Variants in TALDO1 observed in about 807,000 individuals in gnomAD.
The protein encoded by TALDO1 is transaldolase 1.
Under a neutral mutation model 38.1 loss-of-function variants are expected in TALDO1, and 29 were observed. The observed-to-expected ratio is 0.76, with a 90% confidence interval of 0.57 to 1.04. TALDO1 has a LOEUF of 1.04. Among genes scored for constraint, TALDO1 ranks in the 50% least tolerant of loss-of-function variants. TALDO1 has a pLI of 0.00. For synonymous variants in TALDO1, 207 were observed against 176.8 expected, an observed-to-expected ratio of 1.17 and a Z score of -1.36; for missense variants, 499 against 438.1, an observed-to-expected ratio of 1.14 and a Z score of -1.24.
intron 2 of TALDO1, among the ~76,000 whole-genome samples, chr11:756,741 C>T (rs1175220170): frequency 2.6e-5 from 4 of 152,100 alleles, no homozygotes; most frequent in Non-Finnish European, 5.9e-5. Flanking sequence ...CGGTCTCGAA[C>T]TTCTTACCTC....
chr11:763,497 C>G lies in TALDO1; in HGVS notation c.615C>G (p.Ser205=). The change falls in exon 5 of 8, where the codon TCC becomes TCG. Residue 205 remains serine, a synonymous_variant. Coordinates refer to ENST00000319006, the MANE Select transcript of TALDO1 (RefSeq NM_006755.2). The part of the protein sequence containing the change: ...DWHVANTDKK[S]YEPLEDPGVK... The stretch of plus-strand genomic sequence containing the variant: ...ATGTGGCAAACACCGACAAGAAATC[C>G]TATGAGCCCCTGGAAGACCCTGGTG... The G allele has an allele frequency of 6.2e-7, 1 of 1,613,590 alleles. No individual in the cohort carries two copies. Among genetic ancestry groups the G allele is most frequent in the Non-Finnish European group, 8.5e-7 (1 of 1,179,902 alleles).
intron 1 of TALDO1, among the ~76,000 whole-genome samples, chr11:749,191 T>G (rs974445908): frequency 6.6e-5 from 10 of 151,872 alleles, no homozygotes; most frequent in Admixed American, 3.3e-4. Flanking sequence ...GATCACGAGG[T>G]CAGGAGTTCG....
chr11:760,485 C>T, intron 4 of TALDO1: 1 of 569,176 alleles, frequency 1.8e-6, no homozygotes, highest in Non-Finnish European at 3.1e-6. Flanking sequence ...CAGGAAGTAC[C>T]ATCCACCCAC....
chr11:754,437 C>T (rs1487928554), intron 1 of TALDO1, among the ~76,000 whole-genome samples: 3 of 152,148 alleles, frequency 2.0e-5, no homozygotes, highest in African/African-American at 4.8e-5. Flanking sequence ...GTCAAGTTAC[C>T]TGCAGAAGCT....
rs1165057276 is a variant in TALDO1 at position 755,888 on chromosome 11, A to G, written c.107A>G (p.Glu36Gly). ...ADTGDFHAID[E>G]YKPQDATTNP... ...AAAACTATTTCCCTAGCCATCGACG[A>G]GTACAAGCCCCAGGATGCTACCACC... is the stretch of plus-strand genomic sequence containing the variant. Residue 36 changes from glutamate (E) to glycine (G), a missense_variant, in exon 2 of 8, where the codon GAG (glutamate) becomes GGG (glycine). Transcript: ENST00000319006. 2 of 1,614,080 alleles carry G rather than the reference A, an allele frequency of 1.2e-6. No homozygotes were observed. Among genetic ancestry groups the G allele is most frequent in the Non-Finnish European group, 1.7e-6 (2 of 1,180,024 alleles).
At chr11:759,259 T>C (rs969726465) in intron 3 of TALDO1, among the ~76,000 whole-genome samples, 10 of 152,020 alleles carry the variant, frequency 6.6e-5, no homozygotes, top group Non-Finnish European at 1.0e-4. Context: ...GTGTTTTTTA[T>C]TTTTATTTTT....
At chr11:762,595 C>A in intron 4 of TALDO1, among the ~76,000 whole-genome samples, 1 of 152,188 alleles carries the variant, frequency 6.6e-6, no homozygotes, top group East Asian at 1.9e-4. Context: ...ATCTGCTGTC[C>A]CCCTCGAACA....
chr11:749,634 TG>T (rs1290925762), intron 1 of TALDO1, among the ~76,000 whole-genome samples: 2 of 152,194 alleles, frequency 1.3e-5, no homozygotes, highest in African/African-American at 2.4e-5. Flanking sequence ...CTTCCCACAA[TG>T]TGATCCTCCC....
intron 1 of TALDO1, among the ~76,000 whole-genome samples, chr11:747,972 C>T (rs1307304402): frequency 6.6e-6 from 1 of 152,232 alleles, no homozygotes; most frequent in Admixed American, 6.5e-5. Flanking sequence ...GCCCTCCGCC[C>T]AGGGTGGGGT....
chr11:763,004 C>G (rs1379847177), intron 4 of TALDO1, among the ~76,000 whole-genome samples: 1 of 152,186 alleles, frequency 6.6e-6, no homozygotes, highest in Non-Finnish European at 1.5e-5. Flanking sequence ...TTGCCTTTGT[C>G]TATTGTGTCA....
intron 7 of TALDO1, 152 bp from the exon 8 acceptor site, chr11:764,661 G>A: frequency 7.3e-7 from 1 of 1,371,298 alleles, no homozygotes; most frequent in Non-Finnish European, 1.0e-6. Context: ...TGGCCTGTGT[G>A]GTGACTGTGG....
intron 4 of TALDO1, 119 bp from the exon 5 acceptor site, chr11:763,225 G>T (rs1383281346): frequency 4.2e-4 from 7 of 16,544 alleles, no homozygotes; most frequent in South Asian, 1.0e-3. Flanking sequence ...ACCTGCCCCC[G>T]CCCTCACCCG....
At chr11:754,193 C>T (rs1223600866) in intron 1 of TALDO1, among the ~76,000 whole-genome samples, 1 of 151,976 alleles carries the variant, frequency 6.6e-6, no homozygotes, top group Non-Finnish European at 1.5e-5. Flanking sequence ...CCGTGTTAGC[C>T]AGGCTGGTCT....
Position 764,522 on chromosome 11 carries a change from C to T in TALDO1, c.981+89C>T, listed in dbSNP as rs1863014767. 17 of 1,557,086 alleles carry T rather than the reference C, an allele frequency of 1.1e-5. No individual in the cohort carries two copies. In the East Asian group the frequency reaches 4.1e-4, roughly 37 times the overall value. ...GGGTTCAAGCTGGGCAGAGTTAAAA[C>T]TTTGGTGAGACCCCAGGTCTCATTC... On this transcript the variant is annotated intron_variant, in intron 7 of 7. Coordinates refer to ENST00000319006, the MANE Select transcript of TALDO1 (RefSeq NM_006755.2).
chr11:756,321 C>T (rs1862837390), intron 2 of TALDO1: 1 of 339,518 alleles, frequency 2.9e-6, no homozygotes, highest in Non-Finnish European at 5.5e-6. Flanking sequence ...TCTGGTAACA[C>T]TTACCTTCTG....
In TALDO1 at chr11:760,495, C is replaced by T. The variant is rs369304049; in HGVS notation, c.461+242C>T. 922 of 541,838 alleles carry T rather than the reference C, an allele frequency of 1.7e-3. 4 individuals are homozygous for T. The highest frequency in any genetic ancestry group is 2.4e-3 in the Non-Finnish European group (749 of 306,216). 33.6% of individuals were successfully genotyped at this position (541,838 alleles called of 1,614,324 possible). ...TTTCCCAGGAAGTACCATCCACCCA[C>T]TCAGCAGAGAAGAAAAGCCACTAGT... is the stretch of plus-strand genomic sequence containing the variant. On this transcript the variant is annotated intron_variant, in intron 4 of 7. Coordinates refer to ENST00000319006, the MANE Select transcript of TALDO1 (RefSeq NM_006755.2).
At chr11:763,568 A>G (rs1336888277) in intron 5 of TALDO1, 49 bp downstream of exon 5, 10 of 1,608,644 alleles carry the variant, frequency 6.2e-6, no homozygotes, top group East Asian at 4.5e-5. Context: ...CCTCAGCAGC[A>G]CCTCAGGCAG....
chr11:755,207 C>G (rs1459145812), intron 1 of TALDO1, among the ~76,000 whole-genome samples: 10 of 126,826 alleles, frequency 7.9e-5, no homozygotes, highest in African/African-American at 2.4e-4. Context: ...TGCAGTGGCG[C>G]GATCTCGGCT....
chr11:764,157 T>A, intron 6 of TALDO1, 131 bp from the exon 7 acceptor site: 1 of 1,532,954 alleles, frequency 6.5e-7, no homozygotes, highest in South Asian at 1.1e-5. Context: ...ACTTCCAGCG[T>A]GAGCCTTGCT....
Sources: gnomAD v4.1 joint callset for allele counts (sites outside exome capture counted in the v4.1 genomes callset) on GRCh38, gnomAD v4.1.1 for gene constraint, MANE v1.5 for transcripts, NCBI Gene and HGNC (gene_info 2026-07-23, HGNC 2026-07-21) for gene names.